Variants in CES4A observed in about 807,000 individuals in gnomAD.
The protein encoded by CES4A is carboxylesterase 6.
Under a neutral mutation model 65.4 loss-of-function variants are expected in CES4A, and 48 were observed. That is an observed-to-expected ratio of 0.73 (90% confidence interval 0.58 to 0.93). The LOEUF (loss-of-function observed/expected upper bound fraction) is 0.93. CES4A is among the 40% of genes least tolerant of loss of function. The pLI, the probability that CES4A is intolerant of heterozygous loss-of-function variation, is 0.00. For synonymous variants in CES4A, 247 were observed against 281.8 expected (o/e 0.88, Z 1.24); for missense variants, 685 against 728.5 (o/e 0.94, Z 0.69).
intron 2 of CES4A, among the ~76,000 whole-genome samples, chr16:66,998,229 C>G (rs1258567457): frequency 6.6e-6 from 1 of 151,982 alleles, no homozygotes; most frequent in Non-Finnish European, 1.5e-5. Context: ...GAGGAACCAC[C>G]AATGAGGTGG....
intron 2 of CES4A, chr16:66,996,054 T>C (rs1964821602): frequency 1.5e-6 from 1 of 667,258 alleles, no homozygotes; most frequent in Non-Finnish European, 2.7e-6. Context: ...TTTTTGTTTT[T>C]TTTAGATGGA....
intron 1 of CES4A, among the ~76,000 whole-genome samples, chr16:66,994,282 G>A (rs1383661674): frequency 6.9e-6 from 1 of 145,918 alleles, no homozygotes; most frequent in East Asian, 2.2e-4. Flanking sequence ...TGTTGCCCAG[G>A]CTGGAGTGCA....
At position 67,006,923 on chromosome 16, in the gene CES4A, C is replaced by T. The variant is rs1965809186; in HGVS notation, c.1517+106C>T. 5.8e-6 allele frequency: 6 copies of T among 1,039,570 alleles called. No homozygotes were observed. The South Asian group carries it at 7.4e-5, about 13-fold the overall frequency. The allele number at this position is 1,039,570 out of a possible 1,614,324, so 64.4% of individuals were successfully genotyped here. On this transcript the variant is annotated intron_variant, in intron 13 of 13. Transcript: ENST00000648724. ...CCCCAGCATGTCCTACAGGAACTGC[C>T]CAGTCGGCCCAAACAGGGTGCCCCT...
intron 11 of CES4A, chr16:67,005,654 C>T: frequency 5.1e-6 from 2 of 392,006 alleles, no homozygotes; most frequent in South Asian, 3.6e-5. Context: ...CTAGACCAGC[C>T]TCACCAACAT....
At chr16:66,995,632 C>T (rs1237990212) in exon 2 of CES4A, 1 of 1,614,038 alleles carries the variant, frequency 6.2e-7, no homozygotes, top group African/African-American at 1.3e-5. Context: ...TCCCAGGTGC[C>T]TTGCACACCA....
chr16:67,001,310 C>A lies in CES4A; in HGVS notation c.539C>A (p.Thr180Lys). Residue 180 changes from threonine (T) to lysine (K), a missense_variant and splice_region_variant, in exon 5 of 14, where the codon ACG becomes AAG. By Grantham distance (78) the Thr-to-Lys change is moderately conservative. Transcript: ENST00000648724. This position sits in a 1 kb window ranked among gnomAD's most constrained non-coding sequence, Gnocchi z 4.1. ...GACAGTGAACCCCACACGCCCAGCACGGACGACAGCCACGCGCGCGGGAAC... is the reference window on the plus strand; with the variant it reads ...GACAGTGAACCCCACACGCCCAGCAAGGACGACAGCCACGCGCGCGGGAAC... 1 of 1,603,156 alleles carries A rather than the reference C, an allele frequency of 6.2e-7. No individual in the cohort carries two copies. The highest frequency in any genetic ancestry group is 8.5e-7 in the Non-Finnish European group (1 of 1,174,742).
chr16:66,993,293 A>G (rs1433409335), intron 1 of CES4A, among the ~76,000 whole-genome samples: 1 of 152,140 alleles, frequency 6.6e-6, no homozygotes, highest in Non-Finnish European at 1.5e-5. Context: ...ATATGTATGT[A>G]TGTATATGGA....
intron 1 of CES4A, among the ~76,000 whole-genome samples, chr16:66,995,033 C>T (rs150501578): frequency 5.5e-4 from 81 of 146,314 alleles, no homozygotes; most frequent in Non-Finnish European, 9.6e-4. Flanking sequence ...AAATGAGGGC[C>T]GGGCGTGGTG....
chr16:67,003,234 G>A lies in CES4A; in HGVS notation c.796-22G>A, dbSNP rs751213017. ...AAGGGCAGGATGGAAGCACCACTGA[G>A]CATCCTTTCTTCTCTCTATAGAAGG... On this transcript the variant is annotated intron_variant, in intron 6 of 13. Coordinates refer to ENST00000648724, the Ensembl canonical transcript of CES4A. The surrounding 1 kb of genome is among the most constrained non-coding windows in gnomAD (Gnocchi z 4.2). The A allele has an allele frequency of 6.2e-7, 1 of 1,613,302 alleles. No homozygotes were observed.
At chr16:66,991,757 T>C (rs1001630746) in intron 1 of CES4A, among the ~76,000 whole-genome samples, 3 of 152,306 alleles carry the variant, frequency 2.0e-5, no homozygotes, top group South Asian at 2.1e-4. Context: ...GAGCTTCAGC[T>C]TCCACATTTG....
At chr16:66,993,753 T>C (rs1964579689) in intron 1 of CES4A, among the ~76,000 whole-genome samples, 3 of 152,186 alleles carry the variant, frequency 2.0e-5, no homozygotes, top group Admixed American at 2.0e-4. Flanking sequence ...TAAGAATGCA[T>C]ATATGCGTGT....
At chr16:67,006,162 T>C (rs1597098594) in intron 11 of CES4A, 1 of 527,742 alleles carries the variant, frequency 1.9e-6, no homozygotes, top group Non-Finnish European at 3.4e-6. Flanking sequence ...TAGGTTTTAG[T>C]ATTCTCAGTC....
At position 67,003,057 on chromosome 16, in the gene CES4A, C is replaced by T. The variant is rs747396094; in HGVS notation, c.691-13C>T. On this transcript the variant is annotated splice_polypyrimidine_tract_variant and intron_variant, in intron 5 of 13. Coordinates refer to ENST00000648724, the Ensembl canonical transcript of CES4A. This position sits in a 1 kb window ranked among gnomAD's most constrained non-coding sequence, Gnocchi z 4.2. The stretch of plus-strand genomic sequence containing the variant: ...TGGGCATCTCACGGGTGTATTCCTC[C>T]CTGTTCTTGCAGATGATGTCACCCC... 1 of 1,610,054 alleles carries T rather than the reference C, an allele frequency of 6.2e-7. No homozygotes were observed.
Position 67,000,619 on chromosome 16 carries a change from C to A in CES4A, c.261-19C>A. The A allele has an allele frequency of 6.5e-7, 1 of 1,532,676 alleles. No homozygotes were observed. The highest frequency in any genetic ancestry group is 8.8e-7 in the Non-Finnish European group (1 of 1,136,678). The allele number at this position is 1,532,676 out of a possible 1,614,324, so 94.9% of individuals were successfully genotyped here. A position where few individuals can be genotyped will look rare whatever the true frequency, so the allele number is the denominator to read the frequency against. On this transcript the variant is annotated intron_variant, in intron 2 of 13. Coordinates refer to ENST00000648724, the Ensembl canonical transcript of CES4A. This position sits in a 1 kb window ranked among gnomAD's most constrained non-coding sequence, Gnocchi z 4.2. ...GAAACGATCTCCCCGCGGCCGCCGC[C>A]GCTACCTGGTGCCCGCAGGTGCCTG... is the stretch of plus-strand genomic sequence containing the variant.
chr16:66,994,067 C>G (rs1405539335), intron 1 of CES4A, among the ~76,000 whole-genome samples: 1 of 151,208 alleles, frequency 6.6e-6, no homozygotes, highest in Non-Finnish European at 1.5e-5. Flanking sequence ...TGCCACTGCA[C>G]TCCAGCCTGG....
chr16:66,996,049 G>GT (rs1161801353), intron 2 of CES4A: 56 of 672,962 alleles, frequency 8.3e-5, no homozygotes, highest in East Asian at 1.4e-4. Context: ...TTTTGTTTTT[G>GT]TTTTTTTTAG....
At chr16:67,005,676 A>G in intron 11 of CES4A, 1 of 331,118 alleles carries the variant, frequency 3.0e-6, no homozygotes, top group South Asian at 4.2e-5. Context: ...GTGAAAACCC[A>G]TCTCTACTAA....
chr16:66,997,506 T>G (rs1374031991), intron 2 of CES4A, among the ~76,000 whole-genome samples: 7 of 152,150 alleles, frequency 4.6e-5, no homozygotes, highest in Admixed American at 2.6e-4. Flanking sequence ...GACTCCAAAT[T>G]TATTTTGAAA....
chr16:66,989,059 G>A (rs568980304), intron 1 of CES4A, among the ~76,000 whole-genome samples: 61 of 152,244 alleles, frequency 4.0e-4, no homozygotes, highest in African/African-American at 1.3e-3. Flanking sequence ...CCTGCCTCCC[G>A]GCACAGGTGA....
Sources: gnomAD v4.1 joint callset for allele counts (sites outside exome capture counted in the v4.1 genomes callset) on GRCh38, gnomAD v4.1.1 for gene constraint, Gnocchi (gnomAD v3.1) non-coding constraint, MANE v1.5 for transcripts, NCBI Gene and HGNC (gene_info 2026-07-23, HGNC 2026-07-21) for gene names.